CNTD1: variants seen among roughly 807,000 people sequenced by gnomAD.
CNTD1 encodes cyclin N-terminal domain-containing protein 1.
In CNTD1, 17 loss-of-function variants were observed where a neutral mutation model predicts 36.3. That is an observed-to-expected ratio of 0.47 (90% CI 0.32 to 0.70). The LOEUF (loss-of-function observed/expected upper bound fraction) is 0.70, where lower values mean the gene tolerates loss of function less well. Ranked by LOEUF, CNTD1 falls within the 30% of genes least tolerant of loss-of-function variation. The probability of loss-of-function intolerance (pLI) is 0.03; values close to 1 mark genes in which losing one functional copy is unlikely to be tolerated. For synonymous variants in CNTD1, 128 were observed against 153.3 expected (o/e 0.83, Z 1.22); for missense variants, 338 against 386.1 (o/e 0.88, Z 1.04).
intron 1 of CNTD1, among the ~76,000 whole-genome samples, chr17:42,801,210 A>C (rs571057001): frequency 2.3e-4 from 35 of 151,236 alleles, no homozygotes; most frequent in East Asian, 5.8e-4. Context: ...ACAACAACAA[A>C]AAAAAACAAC....
At position 42,810,028 on chromosome 17, in the gene CNTD1, A is replaced by C. The variant is rs190919599; in HGVS notation, c.*493A>C. On this transcript the variant is annotated 3_prime_UTR_variant, in exon 7 of 7. Transcript: ENST00000588408. ...TTTTTTAAAACTAAAACTAACTCTA[A>C]AGAAGTTTCAACAGAATTTCCACAT... is the stretch of plus-strand genomic sequence containing the variant. The C allele has an allele frequency of 5.3e-5, 8 of 152,312 alleles. No individual in the cohort carries two copies. The highest frequency in any genetic ancestry group is 1.9e-4 in the African/African-American group (8 of 41,310). 9.4% of individuals were successfully genotyped at this position (152,312 alleles called of 1,614,324 possible).
intron 3 of CNTD1, 71 bp from the exon 4 acceptor site, chr17:42,805,651 C>CT (rs1204897256): frequency 1.5e-6 from 2 of 1,341,840 alleles, no homozygotes; most frequent in Admixed American, 4.1e-5. Flanking sequence ...TTATGAAGGG[C>CT]TTTGTGCACT....
At position 42,811,190 on chromosome 17, in the gene CNTD1, A is replaced by G. The variant is rs1477712250; in HGVS notation, c.*1655A>G. 2.7e-6 allele frequency: 1 copy of G among 366,816 alleles called. No homozygotes were observed. The allele number at this position is 366,816 out of a possible 1,614,324, so 22.7% of individuals were successfully genotyped here. On this transcript the variant is annotated 3_prime_UTR_variant, in exon 7 of 7. Transcript: ENST00000588408. Reference sequence around the variant, plus strand: ...TGGAGTAGGGGTGAGTGAGGGTTACAGTACTTCTTGCTGTTTTCCTAGGCA... The same window carrying G: ...TGGAGTAGGGGTGAGTGAGGGTTACGGTACTTCTTGCTGTTTTCCTAGGCA...
Position 42,809,706 on chromosome 17 carries a change from A to C in CNTD1, c.*171A>C. The C allele has an allele frequency of 1.7e-6, 1 of 592,418 alleles. No individual in the cohort carries two copies. Among genetic ancestry groups the C allele is most frequent in the Non-Finnish European group, 2.9e-6 (1 of 350,770 alleles). The allele number at this position is 592,418 out of a possible 1,614,324, so 36.7% of individuals were successfully genotyped here. A position where few individuals can be genotyped will look rare whatever the true frequency, so the allele number is the denominator to read the frequency against. On this transcript the variant is annotated 3_prime_UTR_variant, in exon 7 of 7. Transcript: ENST00000588408. ...TCAGAGAGAGTTAAGGTGGACGAGC[A>C]TGCCCTTTTTGTCATATCAGCCTGA... is the stretch of plus-strand genomic sequence containing the variant.
Position 42,811,476 on chromosome 17 carries a change from T to C in CNTD1, c.*1941T>C. On this transcript the variant is annotated 3_prime_UTR_variant, in exon 7 of 7. Coordinates refer to ENST00000588408, the MANE Select transcript of CNTD1 (RefSeq NM_173478.3). ...ACATTCTTCTACTCCAAGGACTAGG[T>C]GGTCACATTCTGTCCTGCTTGCAGT... The C allele has an allele frequency of 1.5e-6, 1 of 654,596 alleles. No individual in the cohort carries two copies. The allele number at this position is 654,596 out of a possible 1,614,324, so 40.5% of individuals were successfully genotyped here.
intron 5 of CNTD1, among the ~76,000 whole-genome samples, chr17:42,807,409 C>T (rs536837100): frequency 1.3e-5 from 2 of 151,420 alleles, no homozygotes; most frequent in South Asian, 2.1e-4. Context: ...AGAGAGACTC[C>T]GTCTCAGAAA....
Position 42,806,214 on chromosome 17 carries a change from C to T in CNTD1, c.580+330C>T, listed in dbSNP as rs115439205. Among the ~76,000 whole-genome samples the T allele has an allele frequency of 3.7e-3, 552 of 147,830 alleles. 4 individuals carry two copies. The highest frequency in any genetic ancestry group is 0.014 in the African/African-American group (531 of 38,730). On this transcript the variant is annotated intron_variant, in intron 4 of 6. Coordinates refer to ENST00000588408, the MANE Select transcript of CNTD1 (RefSeq NM_173478.3). ...CTGCACTCCAGCCTGAGCAACAGAGCGGACTCCTTCTCAAAAAAAAAAAAA... is the reference window on the plus strand; with the variant it reads ...CTGCACTCCAGCCTGAGCAACAGAGTGGACTCCTTCTCAAAAAAAAAAAAA...
chr17:42,799,118 T>G lies in CNTD1; in HGVS notation c.51T>G (p.Phe17Leu). 6.2e-7 allele frequency: 1 copy of G among 1,614,072 alleles called. No individual in the cohort carries two copies. Among genetic ancestry groups the G allele is most frequent in the Admixed American group, 1.7e-5 (1 of 60,028 alleles). Residue 17 changes from phenylalanine to leucine, a missense_variant, in exon 1 of 7, where the codon TTT (phenylalanine) becomes TTG (leucine). Coordinates refer to ENST00000588408, the MANE Select transcript of CNTD1 (RefSeq NM_173478.3). The stretch of plus-strand genomic sequence containing the variant: ...CGGCCTCCCTCGTTGACTTTCAGTT[T>G]GGAGTTGTCGCCACAGAGACGATTG... ...PRSASLVDFQFGVVATETIED... is the reference protein window; with the variant it reads ...PRSASLVDFQLGVVATETIED...
intron 2 of CNTD1, 33 bp from the exon 3 acceptor site, chr17:42,804,192 G>A: frequency 6.3e-7 from 1 of 1,586,748 alleles, no homozygotes; most frequent in Non-Finnish European, 8.6e-7. Context: ...TTGTGTGAGT[G>A]AGGATTGTTT....
chr17:42,805,110 C>T (rs1476418315), intron 3 of CNTD1, among the ~76,000 whole-genome samples: 1 of 152,148 alleles, frequency 6.6e-6, no homozygotes, highest in African/African-American at 2.4e-5. Flanking sequence ...TACCTATCAA[C>T]AGTAGAAGCA....
Position 42,803,646 on chromosome 17 carries a change from T to C in CNTD1, c.196T>C (p.Trp66Arg). 6 of 1,614,042 alleles carry C rather than the reference T, an allele frequency of 3.7e-6. No individual in the cohort carries two copies. The highest frequency in any genetic ancestry group is 5.1e-6 in the Non-Finnish European group (6 of 1,179,970). ...VEFVFLLSEQ[W>R]CLEKSVSYQA... ...GTTTGTTTTTCTCCTGTCTGAACAA[T>C]GGTGTCTGGAGAAATCTGTGAGCTA... Residue 66 changes from tryptophan to arginine, a missense_variant, in exon 2 of 7, where the codon TGG (tryptophan) becomes CGG (arginine). Trp to Arg is a moderately radical substitution (Grantham distance 101, BLOSUM62 -3). Transcript: ENST00000588408.
chr17:42,811,455 T>A lies in CNTD1; in HGVS notation c.*1920T>A. 1 of 531,384 alleles carries A rather than the reference T, an allele frequency of 1.9e-6. No homozygotes were observed. The highest frequency in any genetic ancestry group is 3.1e-6 in the Non-Finnish European group (1 of 325,424). The allele number at this position is 531,384 out of a possible 1,614,324, so 32.9% of individuals were successfully genotyped here. The stretch of plus-strand genomic sequence containing the variant: ...CCCCCTAAACCATCTAAGGCAACAT[T>A]CTTCTACTCCAAGGACTAGGTGGTC... On this transcript the variant is annotated 3_prime_UTR_variant, in exon 7 of 7. Coordinates refer to ENST00000588408, the MANE Select transcript of CNTD1 (RefSeq NM_173478.3).
chr17:42,806,572 A>G, intron 4 of CNTD1, 102 bp from the exon 5 acceptor site: 1 of 1,205,320 alleles, frequency 8.3e-7, no homozygotes, highest in South Asian at 1.4e-5. Flanking sequence ...CATAGCAACC[A>G]GGAAGCACAT....
chr17:42,800,288 G>A (rs918173021), intron 1 of CNTD1, among the ~76,000 whole-genome samples: 1 of 152,020 alleles, frequency 6.6e-6, no homozygotes, highest in African/African-American at 2.4e-5. Flanking sequence ...CCCAGGCATC[G>A]GGACATTTCA....
intron 3 of CNTD1, 25 bp from the exon 4 acceptor site, chr17:42,805,697 C>T (rs759753960): frequency 1.9e-6 from 3 of 1,598,790 alleles, no homozygotes; most frequent in South Asian, 2.2e-5. Flanking sequence ...TAACATTCTT[C>T]TTTCCCTCTC....
chr17:42,808,545 C>A (rs1018851395), intron 6 of CNTD1, among the ~76,000 whole-genome samples: 3 of 142,094 alleles, frequency 2.1e-5, no homozygotes, highest in African/African-American at 8.0e-5. Context: ...AGTGAGACCC[C>A]ATCTCATTAA....
At chr17:42,800,186 A>G (rs2054755822) in intron 1 of CNTD1, among the ~76,000 whole-genome samples, 1 of 152,040 alleles carries the variant, frequency 6.6e-6, no homozygotes, top group Non-Finnish European at 1.5e-5. Context: ...ACTAGGTACT[A>G]TGGTTAGATA....
chr17:42,800,069 T>TAA (rs769118587), intron 1 of CNTD1, among the ~76,000 whole-genome samples: 21 of 63,830 alleles, frequency 3.3e-4, no homozygotes, highest in African/African-American at 7.4e-4. Context: ...AGACTCTGTC[T>TAA]AAAAAAAAAA....
Position 42,805,844 on chromosome 17 carries a change from C to T in CNTD1, c.540C>T (p.Pro180=), listed in dbSNP as rs149280586. Reference sequence around the variant, plus strand: ...CCTTGAACTTCCGAATTAATCTGCCCACTCCCCTGGCATATGTGGAGACGC... The same window carrying T: ...CCTTGAACTTCCGAATTAATCTGCCTACTCCCCTGGCATATGTGGAGACGC... The part of the protein sequence containing the change: ...LKSLNFRINL[P]TPLAYVETLL... Residue 180 remains proline (P), a synonymous_variant, in exon 4 of 7, where the codon CCC becomes CCT. Coordinates refer to ENST00000588408, the MANE Select transcript of CNTD1 (RefSeq NM_173478.3). The T allele has an allele frequency of 7.4e-6, 12 of 1,613,812 alleles. No individual in the cohort carries two copies. Among genetic ancestry groups the T allele is most frequent in the Non-Finnish European group, 1.0e-5 (12 of 1,179,924 alleles).
Sources: gnomAD v4.1 joint callset for allele counts (sites outside exome capture counted in the v4.1 genomes callset) on GRCh38, gnomAD v4.1.1 for gene constraint, MANE v1.5 for transcripts, NCBI Gene and HGNC (gene_info 2026-07-23, HGNC 2026-07-21) for gene names.